R3HDM2: variants seen among roughly 807,000 people sequenced by gnomAD.
R3HDM2 encodes the protein R3H domain containing 2.
R3HDM2 carries 38 observed loss-of-function variants against 124.5 expected under a neutral mutation model. That is an observed-to-expected ratio of 0.31 (90% CI 0.24 to 0.40). R3HDM2 has a LOEUF of 0.40. R3HDM2 is among the 10% of genes least tolerant of loss of function. The probability of loss-of-function intolerance (pLI) is 1.00; values close to 1 mark genes in which losing one functional copy is unlikely to be tolerated. For synonymous variants in R3HDM2, 391 were observed against 448.0 expected (o/e 0.87, Z 1.61); for missense variants, 869 against 1,236.9 (o/e 0.70, Z 4.46).
intron 19 of R3HDM2, among the ~76,000 whole-genome samples, chr12:57,262,799 G>A (rs74093132): frequency 0.024 from 3,620 of 152,136 alleles, 159 homozygotes; most frequent in African/African-American, 0.082. Context: ...CTATAAGATC[G>A]ATATGGTGAA....
chr12:57,384,690 A>G lies in R3HDM2; in HGVS notation c.-36+11059T>C, dbSNP rs571556492. On this transcript the variant is annotated intron_variant, in intron 2 of 23. Transcript: ENST00000402412. ...GAGGTTAGTAGAAACAGGATTATAA[A>G]AAGTCTTACATACTAATAAAGCTGT... Among the ~76,000 whole-genome samples the G allele has an allele frequency of 4.6e-5, 7 of 152,326 alleles. No homozygotes were observed. The East Asian group carries it at 1.3e-3, about 29-fold the overall frequency.
chr12:57,395,705 G>T, intron 2 of R3HDM2, 44 bp downstream of exon 2: 1 of 826,696 alleles, frequency 1.2e-6, no homozygotes, highest in Non-Finnish European at 1.5e-6. Context: ...ACAATTTGTT[G>T]CCTGGAACAC....
intron 20 of R3HDM2, among the ~76,000 whole-genome samples, chr12:57,258,488 G>A (rs934000320): frequency 6.6e-6 from 1 of 151,870 alleles, no homozygotes; most frequent in Admixed American, 6.6e-5. Flanking sequence ...GGGATTACAG[G>A]TGCCCACCAT....
chr12:57,410,222 T>A (rs2068882906), intron 1 of R3HDM2, among the ~76,000 whole-genome samples: 1 of 150,450 alleles, frequency 6.6e-6, no homozygotes, highest in African/African-American at 2.4e-5. Context: ...TTACTCAACA[T>A]AACCATTCCT....
At chr12:57,274,884 C>A (rs2044331419) in intron 14 of R3HDM2, among the ~76,000 whole-genome samples, 1 of 151,982 alleles carries the variant, frequency 6.6e-6, no homozygotes, top group East Asian at 1.9e-4. Context: ...TAAAAATGAC[C>A]ATACTGCCAA....
intron 2 of R3HDM2, among the ~76,000 whole-genome samples, chr12:57,366,925 G>C (rs903706422): frequency 6.6e-6 from 1 of 152,004 alleles, no homozygotes; most frequent in African/African-American, 2.4e-5. Flanking sequence ...CTGACCTCAT[G>C]ATCCGCCCGC....
intron 1 of R3HDM2, among the ~76,000 whole-genome samples, chr12:57,396,827 C>G (rs1246153977): frequency 6.6e-6 from 1 of 151,194 alleles, no homozygotes; most frequent in African/African-American, 2.4e-5. Context: ...TGGCTCACAC[C>G]TGTAACCCCA....
chr12:57,299,767 G>A (rs759297580), intron 5 of R3HDM2, among the ~76,000 whole-genome samples: 1 of 152,122 alleles, frequency 6.6e-6, no homozygotes, highest in Non-Finnish European at 1.5e-5. Context: ...GTACACATAA[G>A]AAAATAAGAT....
At chr12:57,330,036 G>C (rs1461719098) in intron 2 of R3HDM2, among the ~76,000 whole-genome samples, 2 of 151,996 alleles carry the variant, frequency 1.3e-5, no homozygotes, top group African/African-American at 4.8e-5. Context: ...GTGCGATCTC[G>C]GCTCACCGCA....
intron 14 of R3HDM2, among the ~76,000 whole-genome samples, chr12:57,273,235 A>G (rs1037074642): frequency 2.0e-5 from 3 of 152,178 alleles, no homozygotes; most frequent in African/African-American, 7.2e-5. Flanking sequence ...CCAAGCAAAC[A>G]GGAAGGATTT....
chr12:57,402,746 G>T (rs575776342), intron 1 of R3HDM2, among the ~76,000 whole-genome samples: 1 of 152,036 alleles, frequency 6.6e-6, no homozygotes, highest in East Asian at 1.9e-4. Flanking sequence ...CTCCAGTCTG[G>T]GCAACAAAGC....
chr12:57,297,953 T>C, intron 7 of R3HDM2, 137 bp downstream of exon 7: 1 of 699,984 alleles, frequency 1.4e-6, no homozygotes, highest in East Asian at 2.7e-5. Context: ...TATAAAACTA[T>C]ACCTGACAAA....
At chr12:57,374,151 C>T (rs2063731997) in intron 2 of R3HDM2, among the ~76,000 whole-genome samples, 1 of 151,666 alleles carries the variant, frequency 6.6e-6, no homozygotes. Context: ...AAAATATGGT[C>T]CCTGCCCACT....
At chr12:57,358,945 T>C (rs1191160001) in intron 2 of R3HDM2, among the ~76,000 whole-genome samples, 2 of 147,694 alleles carry the variant, frequency 1.4e-5, no homozygotes, top group African/African-American at 5.0e-5. Context: ...TTTGAGGGAG[T>C]CTCGCTCTGT....
intron 2 of R3HDM2, among the ~76,000 whole-genome samples, chr12:57,391,934 G>A (rs1232673875): frequency 2.0e-5 from 3 of 152,210 alleles, no homozygotes; most frequent in African/African-American, 7.2e-5. Flanking sequence ...GGCTGAGGCG[G>A]GTGGATTACC....
Position 57,266,806 on chromosome 12 carries a change from G to A in R3HDM2, c.2056C>T (p.Pro686Ser). Residue 686 changes from proline to serine, a missense_variant, in exon 19 of 24, where the codon CCT becomes TCT. By Grantham distance (74) the Pro-to-Ser change is moderately conservative. Around this residue, in one of 2 missense-constraint regions of R3HDM2, gnomAD observed 602 missense variants for 789.2 expected, o/e 0.76. Transcript: ENST00000402412. ...TSPSVGFLQP[P>S]GSEQYQMPQS... ...GGCATCTGGTACTGCTCAGAGCCAG[G>A]GGGTTGCAGAAACCCTACAGAAGGG... 3 of 1,609,078 alleles carry A rather than the reference G, an allele frequency of 1.9e-6. No homozygotes were observed. Among genetic ancestry groups the A allele is most frequent in the African/African-American group, 1.3e-5 (1 of 74,908 alleles).
At chr12:57,307,630 T>A (rs1348107708) in intron 3 of R3HDM2, among the ~76,000 whole-genome samples, 2 of 145,552 alleles carry the variant, frequency 1.4e-5, no homozygotes, top group African/African-American at 5.0e-5. Flanking sequence ...CATGCTCTTT[T>A]TTTTTTTTTT....
At chr12:57,359,847 GTTTA>G (rs1311523529) in intron 2 of R3HDM2, among the ~76,000 whole-genome samples, 2 of 151,204 alleles carry the variant, frequency 1.3e-5, no homozygotes, top group Non-Finnish European at 2.9e-5. Context: ...TTAAGAAGTG[GTTTA>G]TTTAGTGTAT....
intron 2 of R3HDM2, among the ~76,000 whole-genome samples, chr12:57,381,091 C>T (rs1279817178): frequency 4.6e-5 from 7 of 151,710 alleles, no homozygotes; most frequent in African/African-American, 1.5e-4. Context: ...AATAGTCGAG[C>T]GTGGTGGTGC....
Sources: allele counts gnomAD v4.1 joint callset (sites outside exome capture counted in the v4.1 genomes callset), GRCh38; gene constraint gnomAD v4.1.1; regional missense constraint gnomAD v4.1.1; transcripts MANE v1.5; gene names NCBI Gene and HGNC (gene_info 2026-07-23, HGNC 2026-07-21).